ACBD3: variants seen among roughly 807,000 people sequenced by gnomAD.
The protein encoded by ACBD3 is Golgi resident protein GCP60.
Under a neutral mutation model 66.9 loss-of-function variants are expected in ACBD3, and 30 were observed. That is an observed-to-expected ratio of 0.45 (90% confidence interval 0.34 to 0.61). The LOEUF (loss-of-function observed/expected upper bound fraction) is 0.61. Ranked by LOEUF, ACBD3 falls within the 20% of genes least tolerant of loss-of-function variation. The pLI, the probability that ACBD3 is intolerant of heterozygous loss-of-function variation, is 0.02. For synonymous variants in ACBD3, 278 were observed against 259.8 expected (o/e 1.07, Z -0.68); for missense variants, 544 against 664.5 (o/e 0.82, Z 1.99).
rs1056199156 is a variant in ACBD3 at position 226,166,370 on chromosome 1, C to G, written c.287-370G>C. Among the ~76,000 whole-genome samples the G allele has an allele frequency of 4.6e-5, 7 of 151,332 alleles. 1 individual carries two copies. The highest frequency in any genetic ancestry group is 1.0e-4 in the Non-Finnish European group (7 of 67,826). ...CTGGTCTCGAACTTTTGGGCTCAAG[C>G]AAGCCTCTCGTCTTGGCCTCCTTTT... On this transcript the variant is annotated intron_variant, in intron 1 of 7. Transcript: ENST00000366812.
At chr1:226,170,020 C>CAAAAA (rs771896387) in intron 1 of ACBD3, among the ~76,000 whole-genome samples, 12 of 74,934 alleles carry the variant, frequency 1.6e-4, no homozygotes, top group Admixed American at 1.5e-4. Flanking sequence ...GATTCCATCT[C>CAAAAA]AAAAAAAAAA....
intron 1 of ACBD3, among the ~76,000 whole-genome samples, chr1:226,168,524 A>C (rs1478380144): frequency 6.6e-6 from 1 of 152,232 alleles, no homozygotes; most frequent in Non-Finnish European, 1.5e-5. Context: ...AACATGGTAC[A>C]GTCATGCTCT....
In ACBD3 at chr1:226,152,415, T is replaced by C; in HGVS notation, c.1295A>G (p.Tyr432Cys). The C allele has an allele frequency of 1.9e-6, 3 of 1,614,176 alleles. No individual in the cohort carries two copies. Among genetic ancestry groups the C allele is most frequent in the Non-Finnish European group, 2.5e-6 (3 of 1,180,036 alleles). Residue 432 changes from tyrosine (Y) to cysteine (C), a missense_variant, in exon 7 of 8, where the codon TAT becomes TGT. Physicochemically the swap from Tyr to Cys is radical, Grantham distance 194. Around this residue, in one of 3 missense-constraint regions of ACBD3, gnomAD observed 383 missense variants for 462.4 expected, o/e 0.83. Coordinates refer to ENST00000366812, the MANE Select transcript of ACBD3 (RefSeq NM_022735.4). Reference sequence around the variant, plus strand: ...GTTTGGAGAGTCTGTCCATTCAAAATACACCCCAAACCCAATGTCATAATT... The same window carrying C: ...GTTTGGAGAGTCTGTCCATTCAAAACACACCCCAAACCCAATGTCATAATT... ...TDNYDIGFGVYFEWTDSPNTA... is the reference protein window; with the variant it reads ...TDNYDIGFGVCFEWTDSPNTA...
At chr1:226,180,734 C>CA (rs1447596715) in intron 1 of ACBD3, among the ~76,000 whole-genome samples, 2 of 152,192 alleles carry the variant, frequency 1.3e-5, no homozygotes, top group Non-Finnish European at 2.9e-5. Flanking sequence ...CACAGTGGCT[C>CA]ACGCCTGTAA....
chr1:226,169,923 G>C (rs1392428834), intron 1 of ACBD3, among the ~76,000 whole-genome samples: 1 of 150,274 alleles, frequency 6.7e-6, no homozygotes, highest in Non-Finnish European at 1.5e-5. Flanking sequence ...TACTCAGGGA[G>C]CTGAGGCAGG....
At chr1:226,178,123 C>A (rs894994702) in intron 1 of ACBD3, among the ~76,000 whole-genome samples, 1 of 151,974 alleles carries the variant, frequency 6.6e-6, no homozygotes, top group Admixed American at 6.6e-5. Flanking sequence ...ATTTTTCAGG[C>A]AATTAAAAAC....
Position 226,186,577 on chromosome 1 carries a change from CG to C in ACBD3, c.98del (p.Pro33ArgfsTer78). 1.5e-6 allele frequency: 2 copies of C among 1,370,970 alleles called. No homozygotes were observed. Among genetic ancestry groups the C allele is most frequent in the South Asian group, 1.7e-5 (1 of 57,214 alleles). The allele number at this position is 1,370,970 out of a possible 1,614,324, so 84.9% of individuals were successfully genotyped here. On this transcript the variant is annotated frameshift_variant, in exon 1 of 8. Coordinates refer to ENST00000366812, the MANE Select transcript of ACBD3 (RefSeq NM_022735.4). LOFTEE classifies it high-confidence loss of function. Reference protein sequence around the residue: ...PEERPGAEGAPLLPPPLPPPS... With the variant: ...PEERPGAEGAXLLPPPLPPPS... ...GCGGTGGCAGCGGTGGCGGCAGCAG[CG>C]GGGCGCCCTCCGCCCCAGGCCGCTC...
Position 226,146,343 on chromosome 1 carries a change from G to A in ACBD3, c.*267C>T, listed in dbSNP as rs1659450230. On this transcript the variant is annotated 3_prime_UTR_variant, in exon 8 of 8. Transcript: ENST00000366812. ...TTTGGAGACTTTAAATATTTAACAT[G>A]TAGCTCATGTAACTTCAGCATCCAC... The A allele has an allele frequency of 2.6e-6, 1 of 383,902 alleles. No individual in the cohort carries two copies. The highest frequency in any genetic ancestry group is 4.2e-5 in the Admixed American group (1 of 23,906). The allele number at this position is 383,902 out of a possible 1,614,324, so 23.8% of individuals were successfully genotyped here.
At position 226,150,532 on chromosome 1, in the gene ACBD3, C is replaced by T. The variant is rs531620123; in HGVS notation, c.1375+1803G>A. ...TAGCTGGGATTACAGGCACCCACCA[C>T]CACGCTCGGCTAATTTTTATATTTT... is the stretch of plus-strand genomic sequence containing the variant. On this transcript the variant is annotated intron_variant, in intron 7 of 7. Coordinates refer to ENST00000366812, the MANE Select transcript of ACBD3 (RefSeq NM_022735.4). Among the ~76,000 whole-genome samples the T allele has an allele frequency of 1.3e-3, 198 of 152,318 alleles. 2 individuals carry two copies. Among genetic ancestry groups the T allele is most frequent in the African/African-American group, 4.4e-3 (183 of 41,568 alleles).
chr1:226,185,891 G>T (rs1381721210), intron 1 of ACBD3, among the ~76,000 whole-genome samples: 1 of 152,150 alleles, frequency 6.6e-6, no homozygotes, highest in Non-Finnish European at 1.5e-5. Flanking sequence ...ATCAAGTCCT[G>T]TTCCAGTTTA....
intron 5 of ACBD3, among the ~76,000 whole-genome samples, chr1:226,155,715 CA>C (rs1433010830): frequency 1.3e-5 from 2 of 152,208 alleles, no homozygotes; most frequent in South Asian, 4.1e-4. Flanking sequence ...ATTAAAACTT[CA>C]GGGAAAAATT....
intron 1 of ACBD3, among the ~76,000 whole-genome samples, chr1:226,183,476 C>G (rs1045987258): frequency 1.8e-4 from 28 of 152,102 alleles, no homozygotes; most frequent in African/African-American, 6.8e-4. Context: ...GCTACCACAC[C>G]CGGCCGAAAA....
Position 226,164,789 on chromosome 1 carries a change from C to CTT in ACBD3, c.567_568dup (p.Arg190LysfsTer44). On this transcript the variant is annotated frameshift_variant and splice_region_variant, in exon 3 of 8. Transcript: ENST00000366812. LOFTEE classifies it high-confidence loss of function. ...AGTATTCCATGCCCTCAAACTTCAC[C>CTT]TTTTTTTTTCTTGCTCTTCCTTCTC... 1 of 1,596,228 alleles carries CTT rather than the reference C, an allele frequency of 6.3e-7. No homozygotes were observed. The highest frequency in any genetic ancestry group is 1.7e-5 in the Admixed American group (1 of 58,506).
intron 5 of ACBD3, 99 bp downstream of exon 5, chr1:226,159,085 A>C (rs1180165261): frequency 2.2e-6 from 3 of 1,394,828 alleles, no homozygotes; most frequent in African/African-American, 1.4e-5. Context: ...TTAGAGGCTA[A>C]CTAATGCAAA....
intron 1 of ACBD3, among the ~76,000 whole-genome samples, chr1:226,178,734 C>T (rs545916075): frequency 2.6e-5 from 4 of 152,226 alleles, no homozygotes; most frequent in East Asian, 3.9e-4. Context: ...ATAAAATCTA[C>T]GGCGTGGAAA....
At chr1:226,183,508 C>T (rs965829808) in intron 1 of ACBD3, among the ~76,000 whole-genome samples, 35 of 151,748 alleles carry the variant, frequency 2.3e-4, no homozygotes, top group African/African-American at 8.2e-4. Flanking sequence ...TTCTAATTCT[C>T]GTGAGATACT....
In ACBD3 at chr1:226,166,150, A is replaced by C; in HGVS notation, c.287-150T>G. On this transcript the variant is annotated intron_variant, in intron 1 of 7. Transcript: ENST00000366812. ...TAGTGAAATTTTTATTTCAATTACT[A>C]CTTTTAAAAAATTTTTTTATTTTTA... The C allele has an allele frequency of 3.1e-6, 3 of 958,818 alleles. No individual in the cohort carries two copies. The South Asian group carries it at 6.2e-5, about 20-fold the overall frequency. The allele number at this position is 958,818 out of a possible 1,614,324, so 59.4% of individuals were successfully genotyped here.
At chr1:226,185,784 C>T (rs1005149324) in intron 1 of ACBD3, among the ~76,000 whole-genome samples, 1 of 152,152 alleles carries the variant, frequency 6.6e-6, no homozygotes, top group Admixed American at 6.5e-5. Flanking sequence ...GTTACTAGAA[C>T]ATAGTGGACA....
At chr1:226,169,944 G>A (rs1018786770) in intron 1 of ACBD3, among the ~76,000 whole-genome samples, 1 of 143,676 alleles carries the variant, frequency 7.0e-6, no homozygotes, top group East Asian at 2.2e-4. Context: ...AGAATCGCTT[G>A]AACGAGATGG....
Sources: allele counts gnomAD v4.1 joint callset (sites outside exome capture counted in the v4.1 genomes callset), GRCh38; gene constraint gnomAD v4.1.1; regional missense constraint gnomAD v4.1.1; transcripts MANE v1.5; gene names NCBI Gene and HGNC (gene_info 2026-07-23, HGNC 2026-07-21).